The following HIPK2 variants were observed in gnomAD, a reference collection of about 807,000 sequenced individuals.
HIPK2 encodes homeodomain interacting protein kinase 2, also known as homeodomain-interacting protein kinase 2.
Under a neutral mutation model 113.7 loss-of-function variants are expected in HIPK2, and 27 were observed. That is an observed-to-expected ratio of 0.24 (90% CI 0.17 to 0.33). HIPK2 has a LOEUF of 0.33. Ranked by LOEUF, HIPK2 falls within the 10% of genes least tolerant of loss-of-function variation. The probability of loss-of-function intolerance (pLI) is 1.00; values close to 1 mark genes in which losing one functional copy is unlikely to be tolerated. For missense variants in HIPK2, 1,257 were observed against 1,588.0 expected (o/e 0.79, Z 3.54); for synonymous variants, 631 against 642.2 (o/e 0.98, Z 0.26).
At chr7:139,665,056 T>A (rs1255306864) in intron 2 of HIPK2, among the ~76,000 whole-genome samples, 3 of 150,146 alleles carry the variant, frequency 2.0e-5, no homozygotes, top group Non-Finnish European at 3.0e-5. Context: ...TTTTTTTTTT[T>A]AGACAGGGTC....
At chr7:139,632,101 C>G (rs1800637705) in intron 2 of HIPK2, among the ~76,000 whole-genome samples, 1 of 152,192 alleles carries the variant, frequency 6.6e-6, no homozygotes. Flanking sequence ...CAGAGAATGC[C>G]TGGTTTTTAC....
chr7:139,722,683 T>A (rs1795449488), intron 1 of HIPK2, among the ~76,000 whole-genome samples: 1 of 151,960 alleles, frequency 6.6e-6, no homozygotes, highest in South Asian at 2.1e-4. Context: ...GCATACGTCC[T>A]ACTGCCGGTT....
chr7:139,676,155 A>G (rs919406363), intron 2 of HIPK2, among the ~76,000 whole-genome samples: 1 of 152,236 alleles, frequency 6.6e-6, no homozygotes, highest in Admixed American at 6.5e-5. Flanking sequence ...TTTTCGGCTT[A>G]CCAGGCTATC....
chr7:139,696,525 G>A (rs1794572420), intron 2 of HIPK2, among the ~76,000 whole-genome samples: 1 of 151,816 alleles, frequency 6.6e-6, no homozygotes, highest in South Asian at 2.1e-4. Flanking sequence ...TGAGGTTGCA[G>A]TGAGCTGCGA....
At chr7:139,770,444 G>A (rs1383287211) in intron 1 of HIPK2, among the ~76,000 whole-genome samples, 5 of 152,176 alleles carry the variant, frequency 3.3e-5, no homozygotes, top group Non-Finnish European at 4.4e-5. Context: ...GCCCTTGGAC[G>A]AATGATTTTA....
chr7:139,673,705 T>G (rs946738807), intron 2 of HIPK2, among the ~76,000 whole-genome samples: 2 of 151,892 alleles, frequency 1.3e-5, no homozygotes, highest in African/African-American at 4.8e-5. Context: ...AGTCTGACTT[T>G]TTAAAATTGG....
In HIPK2 at chr7:139,697,246, G is replaced by A. The variant is rs1452059735; in HGVS notation, c.1103+18686C>T. Reference sequence around the variant, plus strand: ...ACACCACCACTTCCATCAGGGCAACGCCGAGCTCTGCTTACACACAGGTGC... The same window carrying A: ...ACACCACCACTTCCATCAGGGCAACACCGAGCTCTGCTTACACACAGGTGC... On this transcript the variant is annotated intron_variant, in intron 2 of 14. Coordinates refer to ENST00000406875, the MANE Select transcript of HIPK2 (RefSeq NM_022740.5). 3.3e-5 allele frequency among the ~76,000 whole-genome samples: 5 copies of A among 152,288 alleles called. No individual in the cohort carries two copies. In the East Asian group the frequency reaches 5.8e-4, roughly 18 times the overall value.
At chr7:139,727,322 CCAATAGCCCTCTTT>C (rs1569481725) in intron 1 of HIPK2, among the ~76,000 whole-genome samples, 1 of 152,056 alleles carries the variant, frequency 6.6e-6, no homozygotes, top group Non-Finnish European at 1.5e-5. Context: ...TGGGAATGAG[CCAATAGCCCTCTTT>C]TCCCACAGGG....
intron 9 of HIPK2, among the ~76,000 whole-genome samples, chr7:139,610,021 G>T (rs563699431): frequency 4.6e-5 from 7 of 152,142 alleles, no homozygotes; most frequent in African/African-American, 1.7e-4. Context: ...CGTATTTTTT[G>T]TTCACTTTCC....
intron 1 of HIPK2, among the ~76,000 whole-genome samples, chr7:139,769,211 C>T (rs1796606967): frequency 7.0e-6 from 1 of 142,954 alleles, no homozygotes; most frequent in African/African-American, 2.6e-5. Context: ...TGTTCTCCTG[C>T]ACCACCCCAA....
At chr7:139,763,557 G>T (rs943471349) in intron 1 of HIPK2, among the ~76,000 whole-genome samples, 1 of 148,256 alleles carries the variant, frequency 6.7e-6, no homozygotes, top group African/African-American at 2.5e-5. Flanking sequence ...CAGTAACGGC[G>T]GCAGAGACCA....
intron 2 of HIPK2, among the ~76,000 whole-genome samples, chr7:139,700,794 G>A (rs1383716312): frequency 6.6e-6 from 1 of 152,218 alleles, no homozygotes; most frequent in Admixed American, 6.5e-5. Context: ...AGAAGAGATG[G>A]TCTCTCTCCA....
At position 139,715,784 on chromosome 7, in the gene HIPK2, T is replaced by C. The variant is rs1485874851; in HGVS notation, c.1103+148A>G. The C allele has an allele frequency of 4.5e-6, 5 of 1,121,966 alleles. No individual in the cohort carries two copies. The East Asian group carries it at 7.6e-5, about 17-fold the overall frequency. The allele number at this position is 1,121,966 out of a possible 1,614,324, so 69.5% of individuals were successfully genotyped here. ...TCTAATTGACATCGCAATGTGCACA[T>C]GTCCTAATTTCGTAAGTACATTAAG... On this transcript the variant is annotated intron_variant, in intron 2 of 14. Transcript: ENST00000406875.
rs79391152 is a variant in HIPK2 at position 139,584,788 on chromosome 7, C to T, written c.2718-724G>A. Reference sequence around the variant, plus strand: ...TTTTCCACTGCCTGGGCCAAGGGATCGGGGGAGATGGTATTGCACCGGGGC... The same window carrying T: ...TTTTCCACTGCCTGGGCCAAGGGATTGGGGGAGATGGTATTGCACCGGGGC... On this transcript the variant is annotated intron_variant, in intron 12 of 14. Coordinates refer to ENST00000406875, the MANE Select transcript of HIPK2 (RefSeq NM_022740.5). Among the ~76,000 whole-genome samples, 15 of 152,270 alleles carry T rather than the reference C, an allele frequency of 9.9e-5. No individual in the cohort carries two copies. In the East Asian group the frequency reaches 1.9e-3, roughly 20 times the overall value.
At chr7:139,636,693 C>T (rs1269282447) in intron 2 of HIPK2, among the ~76,000 whole-genome samples, 1 of 152,118 alleles carries the variant, frequency 6.6e-6, no homozygotes, top group African/African-American at 2.4e-5. Context: ...GGGAGCATGG[C>T]CCTGTTGACA....
rs138368940 is a variant in HIPK2, at chr7:139,706,027, C to T, written c.1103+9905G>A. ...AAACAGAAAAGCAGGTTGGAGGTTA[C>T]GAGGCCCCGGGGATGATGCTGTCTT... On this transcript the variant is annotated intron_variant, in intron 2 of 14. Transcript: ENST00000406875. Among the ~76,000 whole-genome samples, 907 of 152,256 alleles carry T rather than the reference C, an allele frequency of 6.0e-3. 7 individuals are homozygous for T. The highest frequency in any genetic ancestry group is 0.021 in the African/African-American group (852 of 41,544).
chr7:139,578,440 C>A (rs1454936527), intron 13 of HIPK2, among the ~76,000 whole-genome samples: 1 of 152,186 alleles, frequency 6.6e-6, no homozygotes, highest in Admixed American at 6.5e-5. Flanking sequence ...GCCACTGTGC[C>A]CAGCCATGGT....
At chr7:139,581,827 C>G (rs564002459) in intron 13 of HIPK2, among the ~76,000 whole-genome samples, 1 of 152,360 alleles carries the variant, frequency 6.6e-6, no homozygotes, top group South Asian at 2.1e-4. Flanking sequence ...CGTGAGGGCA[C>G]AGGCAGCACT....
chr7:139,604,751 C>T (rs1233321414), intron 9 of HIPK2, among the ~76,000 whole-genome samples: 1 of 147,444 alleles, frequency 6.8e-6, no homozygotes, highest in Non-Finnish European at 1.5e-5. Flanking sequence ...AGTACAGGGA[C>T]ACAGCTGTAT....
Sources: allele counts gnomAD v4.1 joint callset (sites outside exome capture counted in the v4.1 genomes callset), GRCh38; gene constraint gnomAD v4.1.1; transcripts MANE v1.5; gene names NCBI Gene and HGNC (gene_info 2026-07-23, HGNC 2026-07-21).